Variants in PCSK5 observed in about 807,000 individuals in gnomAD.
PCSK5 encodes the protein prohormone convertase 5.
PCSK5 carries 129 observed loss-of-function variants against 233.2 expected under a neutral mutation model. That is an observed-to-expected ratio of 0.55 (90% confidence interval 0.48 to 0.64). The LOEUF (loss-of-function observed/expected upper bound fraction) is 0.64, where lower values mean the gene tolerates loss of function less well. PCSK5 is among the 30% of genes least tolerant of loss of function. The pLI is 0.00. For missense variants in PCSK5, 2,076 were observed against 2,430.1 expected (o/e 0.85, Z 3.06); for synonymous variants, 825 against 879.2 (o/e 0.94, Z 1.09).
At chr9:75,968,962 A>C (rs773722395) in intron 2 of PCSK5, among the ~76,000 whole-genome samples, 38 of 143,718 alleles carry the variant, frequency 2.6e-4, no homozygotes, top group Non-Finnish European at 5.3e-4. Flanking sequence ...ATTTGTGTTC[A>C]CTGGAATTGC....
intron 24 of PCSK5, among the ~76,000 whole-genome samples, chr9:76,243,308 T>A (rs1826485788): frequency 6.6e-6 from 1 of 152,196 alleles, no homozygotes; most frequent in Non-Finnish European, 1.5e-5. Flanking sequence ...GTGATATGGC[T>A]GTGATCCTAC....
At chr9:76,120,076 A>G (rs772521547) in intron 9 of PCSK5, among the ~76,000 whole-genome samples, 1 of 151,966 alleles carries the variant, frequency 6.6e-6, no homozygotes, top group Non-Finnish European at 1.5e-5. Flanking sequence ...TTTATTTTTC[A>G]TCATTAAAGT....
intron 3 of PCSK5, among the ~76,000 whole-genome samples, chr9:76,022,006 C>G (rs1828213901): frequency 6.6e-6 from 1 of 152,192 alleles, no homozygotes; most frequent in Non-Finnish European, 1.5e-5. Flanking sequence ...GCTGTGTCCT[C>G]TACCAGGACA....
intron 28 of PCSK5, among the ~76,000 whole-genome samples, chr9:76,303,302 T>C (rs1335776692): frequency 6.6e-6 from 1 of 152,144 alleles, no homozygotes; most frequent in Non-Finnish European, 1.5e-5. Context: ...GCCTCCCAGA[T>C]TGCTGGGATT....
chr9:76,314,805 A>AT (rs946067954), intron 30 of PCSK5, among the ~76,000 whole-genome samples: 42 of 149,232 alleles, frequency 2.8e-4, no homozygotes, highest in Non-Finnish European at 4.3e-4. Flanking sequence ...CCTGGCTTAT[A>AT]TTTTTTTCTA....
intron 35 of PCSK5, 89 bp from the exon 36 acceptor site, chr9:76,350,739 A>G: frequency 3.7e-6 from 3 of 812,946 alleles, no homozygotes; most frequent in Non-Finnish European, 6.3e-6. Flanking sequence ...AATTTACTTG[A>G]CATATTCCTT....
intron 20 of PCSK5, among the ~76,000 whole-genome samples, chr9:76,192,383 G>GTGTT (rs1454781409): frequency 6.6e-6 from 1 of 152,134 alleles, no homozygotes; most frequent in Non-Finnish European, 1.5e-5. Context: ...ACTTAAGGAT[G>GTGTT]TGTTATTTAT....
chr9:76,058,014 A>T (rs1294409699), intron 5 of PCSK5, among the ~76,000 whole-genome samples: 3 of 151,578 alleles, frequency 2.0e-5, no homozygotes, highest in South Asian at 2.1e-4. Flanking sequence ...TTTATTTTTT[A>T]TTTATTTATT....
intron 24 of PCSK5, among the ~76,000 whole-genome samples, chr9:76,286,087 A>G (rs1156452872): frequency 6.6e-6 from 1 of 152,252 alleles, no homozygotes; most frequent in Admixed American, 6.5e-5. Context: ...ATTATAAAAT[A>G]CAATATACCC....
intron 20 of PCSK5, among the ~76,000 whole-genome samples, chr9:76,217,667 G>A (rs563269265): frequency 4.1e-4 from 63 of 152,304 alleles, no homozygotes; most frequent in African/African-American, 1.5e-3. Flanking sequence ...GTGGGGAGAA[G>A]ATAGCTCATC....
chr9:75,898,036 C>G (rs1293541621), intron 1 of PCSK5, among the ~76,000 whole-genome samples: 1 of 152,208 alleles, frequency 6.6e-6, no homozygotes, highest in Non-Finnish European at 1.5e-5. Context: ...TTTCTGAAAA[C>G]AGCTGAACAC....
At chr9:75,970,568 CTA>C (rs1377001369) in intron 2 of PCSK5, among the ~76,000 whole-genome samples, 1 of 152,150 alleles carries the variant, frequency 6.6e-6, no homozygotes, top group Non-Finnish European at 1.5e-5. Flanking sequence ...CATAAAGGCT[CTA>C]GAGTTATGCC....
At chr9:76,153,663 T>A (rs1219691714) in intron 10 of PCSK5, among the ~76,000 whole-genome samples, 1 of 152,242 alleles carries the variant, frequency 6.6e-6, no homozygotes, top group Non-Finnish European at 1.5e-5. Flanking sequence ...ATTGGCTCTA[T>A]CCTTGAGTAA....
At chr9:76,026,151 G>T (rs1205150119) in intron 4 of PCSK5, among the ~76,000 whole-genome samples, 1 of 152,094 alleles carries the variant, frequency 6.6e-6, no homozygotes, top group Non-Finnish European at 1.5e-5. Context: ...ATTAAATTAG[G>T]CTGGCTACAG....
chr9:76,100,085 T>C (rs1244684237), intron 8 of PCSK5, among the ~76,000 whole-genome samples: 1 of 152,208 alleles, frequency 6.6e-6, no homozygotes, highest in Non-Finnish European at 1.5e-5. Flanking sequence ...TCCCTGTCCC[T>C]TGGTTTCCTG....
intron 2 of PCSK5, among the ~76,000 whole-genome samples, chr9:75,932,741 G>A (rs975367685): frequency 6.6e-6 from 1 of 152,144 alleles, no homozygotes; most frequent in Non-Finnish European, 1.5e-5. Context: ...AGAGGTGAGA[G>A]GGGAATAGGG....
chr9:75,925,874 AAATTTTAAT>A (rs1359045552), intron 1 of PCSK5, among the ~76,000 whole-genome samples: 1 of 152,256 alleles, frequency 6.6e-6, no homozygotes, highest in Non-Finnish European at 1.5e-5. Flanking sequence ...CATCACACTT[AAATTTTAAT>A]GAAGAGAAAA....
intron 20 of PCSK5, among the ~76,000 whole-genome samples, chr9:76,216,665 G>A (rs891341827): frequency 6.6e-6 from 1 of 152,064 alleles, no homozygotes; most frequent in African/African-American, 2.4e-5. Flanking sequence ...GGGGTCAAAG[G>A]GAAGGGGGCT....
At chr9:76,174,628 C>T (rs1329973753) in intron 13 of PCSK5, among the ~76,000 whole-genome samples, 1 of 151,998 alleles carries the variant, frequency 6.6e-6, no homozygotes, top group East Asian at 1.9e-4. Flanking sequence ...CTTTTTATAC[C>T]TAGAAAAACA....
Sources: gnomAD v4.1 joint callset for allele counts (sites outside exome capture counted in the v4.1 genomes callset) on GRCh38, gnomAD v4.1.1 for gene constraint, MANE v1.5 for transcripts, NCBI Gene and HGNC (gene_info 2026-07-23, HGNC 2026-07-21) for gene names.